Variants in PPM1L observed in about 807,000 individuals in gnomAD.
PPM1L encodes protein phosphatase, Mg2+/Mn2+ dependent 1L.
A neutral mutation model predicts 31.4 loss-of-function variants in PPM1L; 13 were observed. The observed-to-expected ratio is 0.41, with a 90% confidence interval of 0.27 to 0.66. The LOEUF (loss-of-function observed/expected upper bound fraction) is 0.66, where lower values mean the gene tolerates loss of function less well. Ranked by LOEUF, PPM1L falls within the 30% of genes least tolerant of loss-of-function variation. The pLI, the probability that PPM1L is intolerant of heterozygous loss-of-function variation, is 0.29. For synonymous variants in PPM1L, 184 were observed against 175.4 expected, an observed-to-expected ratio of 1.05 and a Z score of -0.39; for missense variants, 326 against 453.7, an observed-to-expected ratio of 0.72 and a Z score of 2.56.
intron 1 of PPM1L, among the ~76,000 whole-genome samples, chr3:160,956,954 G>A (rs747627675): frequency 3.3e-5 from 5 of 152,244 alleles, no homozygotes; most frequent in Non-Finnish European, 5.9e-5. Context: ...GAACACAATA[G>A]TGTGTAAGAT....
chr3:160,991,462 A>G (rs1275373474), intron 2 of PPM1L, among the ~76,000 whole-genome samples: 4 of 152,240 alleles, frequency 2.6e-5, no homozygotes, highest in African/African-American at 9.6e-5. Context: ...TAGTTAGGGA[A>G]AGAAGACTCT....
chr3:161,020,124 C>CA (rs11363095), intron 2 of PPM1L, among the ~76,000 whole-genome samples: 21,691 of 115,230 alleles, frequency 0.19, 1,924 homozygotes, highest in East Asian at 0.28. Flanking sequence ...GACTCCACCT[C>CA]AAAAAAAAAA....
At chr3:160,967,561 A>G in intron 2 of PPM1L, among the ~76,000 whole-genome samples, 1 of 125,348 alleles carries the variant, frequency 8.0e-6, no homozygotes, top group South Asian at 2.3e-4. Context: ...CGAGGGGTTC[A>G]CCCCTTTGAT....
chr3:160,986,847 T>A (rs569953042), intron 2 of PPM1L, among the ~76,000 whole-genome samples: 10 of 152,328 alleles, frequency 6.6e-5, no homozygotes, highest in Admixed American at 2.0e-4. Flanking sequence ...CTTGGAAAAT[T>A]TATATCAAAG....
At chr3:160,757,020 C>T (rs573926147) in intron 1 of PPM1L, among the ~76,000 whole-genome samples, 2 of 152,268 alleles carry the variant, frequency 1.3e-5, no homozygotes, top group African/African-American at 4.8e-5. Flanking sequence ...AAACACTGTG[C>T]TAGTTTAGCA....
chr3:160,928,008 A>C (rs1362465600), intron 1 of PPM1L, among the ~76,000 whole-genome samples: 1 of 152,236 alleles, frequency 6.6e-6, no homozygotes, highest in East Asian at 1.9e-4. Context: ...GTTAGAGGTA[A>C]GTGACATTAG....
chr3:160,786,151 CTCTCTCTGTGTGTGTG>C (rs1387699855), intron 1 of PPM1L, among the ~76,000 whole-genome samples: 34 of 85,496 alleles, frequency 4.0e-4, no homozygotes, highest in African/African-American at 2.5e-3. Flanking sequence ...CTCTCTCTCT[CTCTCTCTGTGTGTGTG>C]TGTGTGTGTG....
At chr3:160,912,291 C>T (rs1192547598) in intron 1 of PPM1L, among the ~76,000 whole-genome samples, 1 of 152,188 alleles carries the variant, frequency 6.6e-6, no homozygotes. Context: ...CTGAGCAAAT[C>T]CATGCCTCCC....
intron 1 of PPM1L, among the ~76,000 whole-genome samples, chr3:160,853,615 A>G (rs1029974326): frequency 1.3e-5 from 2 of 152,170 alleles, no homozygotes; most frequent in Non-Finnish European, 2.9e-5. Flanking sequence ...ATTTATGATC[A>G]TTTGTTCACC....
rs721657 is a variant in PPM1L, at chr3:161,074,009, T to A, written c.*4852T>A. ...TGAATATTTTTATATTTCATTACTATATGATATTTAAAAATATACAGAAAA... is the reference window on the plus strand; with the variant it reads ...TGAATATTTTTATATTTCATTACTAAATGATATTTAAAAATATACAGAAAA... On this transcript the variant is annotated 3_prime_UTR_variant, in exon 4 of 4. Coordinates refer to ENST00000498165, the MANE Select transcript of PPM1L (RefSeq NM_139245.4). 2.0e-5 allele frequency: 3 copies of A among 152,210 alleles called. No homozygotes were observed. In the East Asian group the frequency reaches 5.8e-4, roughly 29 times the overall value. 9.4% of individuals were successfully genotyped at this position (152,210 alleles called of 1,614,324 possible).
intron 2 of PPM1L, among the ~76,000 whole-genome samples, chr3:161,055,755 C>T (rs917330099): frequency 2.6e-5 from 4 of 151,918 alleles, no homozygotes; most frequent in African/African-American, 9.7e-5. Context: ...CCCCTTGCCA[C>T]CCCTTCCTTA....
chr3:160,812,162 C>G (rs192435677), intron 1 of PPM1L, among the ~76,000 whole-genome samples: 50 of 152,274 alleles, frequency 3.3e-4, no homozygotes, highest in Non-Finnish European at 1.5e-4. Flanking sequence ...GGATACTTAT[C>G]CAAGTGTATG....
intron 2 of PPM1L, among the ~76,000 whole-genome samples, chr3:160,988,555 G>C (rs1017472605): frequency 2.0e-5 from 3 of 152,146 alleles, no homozygotes; most frequent in Non-Finnish European, 4.4e-5. Context: ...AGCATGTTAG[G>C]GTAGTAAGAA....
At position 160,985,654 on chromosome 3, in the gene PPM1L, G is replaced by A. The variant is rs1418376409; in HGVS notation, c.574+23744G>A. ...AAAGTTCTTTCAAATAACACCTTGG[G>A]TGTTTGAGCATTGGTGATTTGTTTT... On this transcript the variant is annotated intron_variant, in intron 2 of 3. Coordinates refer to ENST00000498165, the MANE Select transcript of PPM1L (RefSeq NM_139245.4). Among the ~76,000 whole-genome samples, 4 of 152,036 alleles carry A rather than the reference G, an allele frequency of 2.6e-5. No individual in the cohort carries two copies. The South Asian group carries it at 8.3e-4, about 31-fold the overall frequency.
chr3:160,805,824 C>T (rs1712583375), intron 1 of PPM1L, among the ~76,000 whole-genome samples: 1 of 152,146 alleles, frequency 6.6e-6, no homozygotes, highest in African/African-American at 2.4e-5. Context: ...ACCTGTAGCC[C>T]ATAGGCAGAA....
intron 1 of PPM1L, among the ~76,000 whole-genome samples, chr3:160,897,014 G>A (rs1451942001): frequency 6.7e-6 from 1 of 149,820 alleles, no homozygotes; most frequent in Non-Finnish European, 1.5e-5. Flanking sequence ...GTCACAGTCA[G>A]TGGCTGACAT....
chr3:160,814,488 C>CACACATATATGTATGTGTATATATAT lies in PPM1L; in HGVS notation c.399+57786_399+57787insTATATGTATGTGTATATATATACACA, dbSNP rs1712904364. Among the ~76,000 whole-genome samples, 5 of 150,266 alleles carry CACACATATATGTATGTGTATATATAT rather than the reference C, an allele frequency of 3.3e-5. 1 individual carries two copies. The highest frequency in any genetic ancestry group is 1.2e-4 in the African/African-American group (5 of 40,278). ...GATGTGGTGTATATACACACACACA[C>CACACATATATGTATGTGTATATATAT]ACACACACATATATGTATGTGTATA... On this transcript the variant is annotated intron_variant, in intron 1 of 3. Transcript: ENST00000498165.
intron 2 of PPM1L, among the ~76,000 whole-genome samples, chr3:160,967,195 C>T (rs1229888007): frequency 6.6e-6 from 1 of 151,976 alleles, no homozygotes; most frequent in Non-Finnish European, 1.5e-5. Flanking sequence ...GCCTTTGCTC[C>T]TCTTTCACCT....
At chr3:160,891,590 G>A (rs1014316968) in intron 1 of PPM1L, among the ~76,000 whole-genome samples, 29 of 152,148 alleles carry the variant, frequency 1.9e-4, no homozygotes, top group African/African-American at 7.0e-4. Context: ...ACAGCATGGC[G>A]ATTCCTCAAG....
Sources: allele counts gnomAD v4.1 joint callset (sites outside exome capture counted in the v4.1 genomes callset), GRCh38; gene constraint gnomAD v4.1.1; transcripts MANE v1.5; gene names NCBI Gene and HGNC (gene_info 2026-07-23, HGNC 2026-07-21).